IL18: variants seen among roughly 807,000 people sequenced by gnomAD.
The protein encoded by IL18 is interleukin 18.
A neutral mutation model predicts 14.2 loss-of-function variants in IL18; 8 were observed. That is an observed-to-expected ratio of 0.56 (90% CI 0.33 to 1.01). The LOEUF is 1.01. IL18 is among the 50% of genes least tolerant of loss of function. The probability of loss-of-function intolerance (pLI) is 0.03; values close to 1 mark genes in which losing one functional copy is unlikely to be tolerated. For missense variants in IL18, 166 were observed against 231.1 expected (o/e 0.72, Z 1.83); for synonymous variants, 67 against 71.0 (o/e 0.94, Z 0.28).
intron 2 of IL18, among the ~76,000 whole-genome samples, chr11:112,154,556 T>C (rs893538477): frequency 6.6e-6 from 1 of 152,058 alleles, no homozygotes; most frequent in Non-Finnish European, 1.5e-5. Context: ...CATATTTACA[T>C]AAAATGGTGT....
rs1297677125 is a variant in IL18 at position 112,148,704 on chromosome 11, T to C, written c.259A>G (p.Met87Val). Reference protein sequence around the residue: ...NAPRTIFIISMYKDSQPRGMA... With the variant: ...NAPRTIFIISVYKDSQPRGMA... ...CCTCTAGGCTGGCTATCTTTATACA[T>C]ACTTATAATAAATATGGTCCGGGGT... The change falls in exon 5 of 6, where the codon ATG becomes GTG. Residue 87 changes from methionine to valine, a missense_variant. Transcript: ENST00000280357. 2 of 1,487,092 alleles carry C rather than the reference T, an allele frequency of 1.3e-6. No individual in the cohort carries two copies. The highest frequency in any genetic ancestry group is 2.7e-5 in the South Asian group (2 of 75,296). 92.1% of individuals were successfully genotyped at this position (1,487,092 alleles called of 1,614,324 possible).
intron 1 of IL18, among the ~76,000 whole-genome samples, chr11:112,155,401 A>C (rs1446814219): frequency 1.3e-5 from 2 of 152,198 alleles, no homozygotes; most frequent in African/African-American, 4.8e-5. Context: ...GGATGCCATA[A>C]ACACATCTAA....
At chr11:112,156,099 C>T (rs1866526346) in intron 1 of IL18, among the ~76,000 whole-genome samples, 1 of 152,192 alleles carries the variant, frequency 6.6e-6, no homozygotes, top group African/African-American at 2.4e-5. Flanking sequence ...ATATATACTG[C>T]ATTAAAATTT....
rs1866491659 is a variant in IL18, at chr11:112,154,023, G to A, written c.80-420C>T. On this transcript the variant is annotated intron_variant, in intron 2 of 5. Transcript: ENST00000280357. ...CATGCAGGCTGGAGTGTAGGGGTGG[G>A]ATCATAGCTCACTGCAGGCTCAAAT... Among the ~76,000 whole-genome samples, 3 of 151,988 alleles carry A rather than the reference G, an allele frequency of 2.0e-5. No homozygotes were observed. The South Asian group carries it at 6.2e-4, about 32-fold the overall frequency.
chr11:112,159,102 C>T (rs1270379392), intron 1 of IL18, among the ~76,000 whole-genome samples: 1 of 152,102 alleles, frequency 6.6e-6, no homozygotes, highest in Admixed American at 6.5e-5. Context: ...CCTGTAATCC[C>T]AGCACTTTGG....
chr11:112,143,931 G>A, intron 5 of IL18, 114 bp from the exon 6 acceptor site: 1 of 677,334 alleles, frequency 1.5e-6, no homozygotes, highest in Non-Finnish European at 2.5e-6. Flanking sequence ...CTTCTCAAGA[G>A]TTACATAAAA....
chr11:112,155,864 A>G (rs1321555108), intron 1 of IL18, among the ~76,000 whole-genome samples: 1 of 152,186 alleles, frequency 6.6e-6, no homozygotes, highest in Non-Finnish European at 1.5e-5. Flanking sequence ...TATTTTCACC[A>G]ACCTCTGAAA....
chr11:112,162,973 T>C (rs1031677204), intron 1 of IL18, among the ~76,000 whole-genome samples: 2 of 152,196 alleles, frequency 1.3e-5, no homozygotes, highest in Non-Finnish European at 2.9e-5. Context: ...GTAGAGACTG[T>C]GTTGCCCTGG....
intron 5 of IL18, among the ~76,000 whole-genome samples, chr11:112,145,740 A>AAAAAAAAAG (rs1566735597): frequency 2.0e-5 from 3 of 151,528 alleles, no homozygotes; most frequent in African/African-American, 7.3e-5. Flanking sequence ...CTCCGTTTCA[A>AAAAAAAAAG]AAAAAAAGAA....
chr11:112,144,384 C>T (rs1205728066), intron 5 of IL18, among the ~76,000 whole-genome samples: 2 of 152,182 alleles, frequency 1.3e-5, no homozygotes, highest in African/African-American at 2.4e-5. Context: ...AAGTATACAC[C>T]ACCACATTTG....
intron 5 of IL18, among the ~76,000 whole-genome samples, chr11:112,147,895 G>A (rs1866370062): frequency 6.6e-6 from 1 of 152,152 alleles, no homozygotes; most frequent in Non-Finnish European, 1.5e-5. Flanking sequence ...TACTGGCTCA[G>A]TCTGTAGCTA....
Position 112,150,071 on chromosome 11 carries a change from C to G in IL18, c.226+1G>C, listed in dbSNP as rs2135313462. The stretch of plus-strand genomic sequence containing the variant: ...CTATGTTTGCGAATTAAAAAAAATA[C>G]CTCTACAGTCAGAATCAGTCATATC... On this transcript the variant is annotated splice_donor_variant, in intron 4 of 5. Coordinates refer to ENST00000280357, the MANE Select transcript of IL18 (RefSeq NM_001562.4). LOFTEE classifies it high-confidence loss of function. 6.3e-7 allele frequency: 1 copy of G among 1,591,792 alleles called. No homozygotes were observed. Among genetic ancestry groups the G allele is most frequent in the Non-Finnish European group, 8.5e-7 (1 of 1,173,686 alleles).
chr11:112,153,519 G>A, intron 3 of IL18, 73 bp downstream of exon 3: 1 of 1,033,814 alleles, frequency 9.7e-7, no homozygotes, highest in Admixed American at 2.8e-5. Context: ...TTCCTCAGCT[G>A]ACAATGGTGA....
chr11:112,158,313 C>T (rs1014866575), intron 1 of IL18, among the ~76,000 whole-genome samples: 5 of 152,102 alleles, frequency 3.3e-5, no homozygotes, highest in South Asian at 2.1e-4. Flanking sequence ...TTGGAAAAAA[C>T]GTAAAAGTTT....
In IL18 at chr11:112,154,925, T is replaced by C. The variant is rs778247422; in HGVS notation, c.79+50A>G. The C allele has an allele frequency of 7.8e-6, 9 of 1,160,412 alleles. No individual in the cohort carries two copies. In the Middle Eastern group the frequency reaches 1.0e-3, roughly 132 times the overall value. The allele number at this position is 1,160,412 out of a possible 1,614,324, so 71.9% of individuals were successfully genotyped here. ...GTTCACCTCACAACATCTTTTCTAA[T>C]TGAATAGATTTATCTGAACCTGGTA... On this transcript the variant is annotated intron_variant, in intron 2 of 5. Coordinates refer to ENST00000280357, the MANE Select transcript of IL18 (RefSeq NM_001562.4).
chr11:112,152,249 C>G (rs1226046002), intron 3 of IL18, among the ~76,000 whole-genome samples: 1 of 152,200 alleles, frequency 6.6e-6, no homozygotes. Flanking sequence ...ATCTTTTCTA[C>G]TTTCTTCTCC....
chr11:112,154,865 C>T (rs976723649), intron 2 of IL18, 110 bp downstream of exon 2: 1 of 651,734 alleles, frequency 1.5e-6, no homozygotes, highest in African/African-American at 1.8e-5. Flanking sequence ...ATTAATATTA[C>T]AGTGAAATTT....
intron 5 of IL18, among the ~76,000 whole-genome samples, chr11:112,147,602 G>T (rs948026551): frequency 6.6e-6 from 1 of 152,200 alleles, no homozygotes; most frequent in African/African-American, 2.4e-5. Context: ...ACCTGAAGGG[G>T]TGGCACTCTG....
At chr11:112,156,692 G>C (rs543698114) in intron 1 of IL18, among the ~76,000 whole-genome samples, 26 of 152,086 alleles carry the variant, frequency 1.7e-4, no homozygotes, top group African/African-American at 6.0e-4. Flanking sequence ...TGGTTTGCCT[G>C]ACTTGGCCTC....
Sources: gnomAD v4.1 joint callset for allele counts (sites outside exome capture counted in the v4.1 genomes callset) on GRCh38, gnomAD v4.1.1 for gene constraint, MANE v1.5 for transcripts, NCBI Gene and HGNC (gene_info 2026-07-23, HGNC 2026-07-21) for gene names.